Variants in EEFSEC observed in about 807,000 individuals in gnomAD.
The protein encoded by EEFSEC is eukaryotic elongation factor, selenocysteine-tRNA specific.
EEFSEC carries 43 observed loss-of-function variants against 42.1 expected under a neutral mutation model. The ratio of observed to expected loss-of-function variants is 1.02; its 90% CI spans 0.80 to 1.32. The LOEUF (loss-of-function observed/expected upper bound fraction) is 1.32, where lower values mean the gene tolerates loss of function less well. Among genes scored for constraint, EEFSEC ranks in the 40% most tolerant of loss-of-function variants. The pLI, the probability that EEFSEC is intolerant of heterozygous loss-of-function variation, is 0.00. For synonymous variants in EEFSEC, 354 were observed against 339.1 expected (o/e 1.04, Z -0.48); for missense variants, 745 against 803.6 (o/e 0.93, Z 0.88).
rs541417598 is a variant in EEFSEC at position 128,250,974 on chromosome 3, G to A, written c.524+3931G>A. On this transcript the variant is annotated intron_variant, in intron 2 of 6. Coordinates refer to ENST00000254730, the MANE Select transcript of EEFSEC (RefSeq NM_021937.5). Reference sequence around the variant, plus strand: ...TAGCGTACAAGGCTTTTGTCTCTTCGATTTATTCCTAAGTATTGGATTCTT... The same window carrying A: ...TAGCGTACAAGGCTTTTGTCTCTTCAATTTATTCCTAAGTATTGGATTCTT... Among the ~76,000 whole-genome samples the A allele has an allele frequency of 1.9e-4, 19 of 97,696 alleles. No homozygotes were observed. In the South Asian group the frequency reaches 2.1e-3, roughly 11 times the overall value. 64.1% of individuals were successfully genotyped at this position (97,696 alleles called of 152,430 possible).
chr3:128,395,832 T>C (rs1576701011), intron 6 of EEFSEC, among the ~76,000 whole-genome samples: 1 of 152,204 alleles, frequency 6.6e-6, no homozygotes, highest in African/African-American at 2.4e-5. Flanking sequence ...AGAATGGCAG[T>C]GGCCTCTCTT....
At chr3:128,242,887 C>T (rs1470217661) in intron 1 of EEFSEC, among the ~76,000 whole-genome samples, 2 of 152,148 alleles carry the variant, frequency 1.3e-5, no homozygotes, top group Non-Finnish European at 2.9e-5. Context: ...CCCACTCACT[C>T]GCTATGTCCC....
At chr3:128,162,712 G>T (rs890457003) in intron 1 of EEFSEC, among the ~76,000 whole-genome samples, 2 of 152,092 alleles carry the variant, frequency 1.3e-5, no homozygotes, top group Admixed American at 1.3e-4. Flanking sequence ...CTTCTCATGG[G>T]GCTTGCCCTT....
At chr3:128,375,533 C>T (rs1050979653) in intron 6 of EEFSEC, among the ~76,000 whole-genome samples, 7 of 152,146 alleles carry the variant, frequency 4.6e-5, no homozygotes, top group Non-Finnish European at 7.4e-5. Context: ...CCCTCTGGAC[C>T]GCAGGCCACC....
At chr3:128,297,786 A>G (rs879716087) in intron 4 of EEFSEC, among the ~76,000 whole-genome samples, 2 of 152,114 alleles carry the variant, frequency 1.3e-5, no homozygotes, top group African/African-American at 2.4e-5. Context: ...AAAATTAGGC[A>G]CTTTTTTGCC....
At chr3:128,332,483 G>A (rs566094221) in intron 4 of EEFSEC, among the ~76,000 whole-genome samples, 6 of 152,170 alleles carry the variant, frequency 3.9e-5, no homozygotes, top group South Asian at 2.1e-4. Context: ...ACGGAGTCTC[G>A]CTCTGTCACC....
At chr3:128,253,539 AGAG>A (rs1367064365) in intron 2 of EEFSEC, among the ~76,000 whole-genome samples, 1 of 152,184 alleles carries the variant, frequency 6.6e-6, no homozygotes, top group Non-Finnish European at 1.5e-5. Context: ...AGCAGGTCGC[AGAG>A]AAGTCTGAGT....
chr3:128,220,059 C>T (rs2065847257), intron 1 of EEFSEC, among the ~76,000 whole-genome samples: 1 of 152,164 alleles, frequency 6.6e-6, no homozygotes, highest in Non-Finnish European at 1.5e-5. Context: ...GACCACAACT[C>T]CATGTGGTAG....
intron 4 of EEFSEC, among the ~76,000 whole-genome samples, chr3:128,287,257 A>G (rs1396357606): frequency 6.6e-6 from 1 of 152,020 alleles, no homozygotes; most frequent in Non-Finnish European, 1.5e-5. Flanking sequence ...TGAGGTGGAG[A>G]TGAGCTCAGA....
intron 1 of EEFSEC, among the ~76,000 whole-genome samples, chr3:128,214,032 A>G (rs2065785691): frequency 6.6e-6 from 1 of 152,196 alleles, no homozygotes; most frequent in Non-Finnish European, 1.5e-5. Flanking sequence ...AATTGGGAGA[A>G]ATTTGAATAT....
At position 128,196,702 on chromosome 3, in the gene EEFSEC, T is replaced by C. The variant is rs116076256; in HGVS notation, c.316+42879T>C. Among the ~76,000 whole-genome samples the C allele has an allele frequency of 4.0e-3, 606 of 152,326 alleles. 1 individual carries two copies. Among genetic ancestry groups the C allele is most frequent in the Non-Finnish European group, 6.8e-3 (461 of 68,022 alleles). On this transcript the variant is annotated intron_variant, in intron 1 of 6. Transcript: ENST00000254730. ...AGTGTTTGGTTGTGTGGAAAGCATA[T>C]AAGCTCTGACTTGAAGAAATGTGAC...
rs1427050348 is a variant in EEFSEC at position 128,358,375 on chromosome 3, T to C, written c.1600+2T>C. Reference sequence around the variant, plus strand: ...GCAAGTTCAAGATCCACATCCCAGGTAAGTGCAGCCACTTCCTCCCGGTTT... The same window carrying C: ...GCAAGTTCAAGATCCACATCCCAGGCAAGTGCAGCCACTTCCTCCCGGTTT... On this transcript the variant is annotated splice_donor_variant, in intron 6 of 6. Transcript: ENST00000254730. LOFTEE classifies it high-confidence loss of function. 1 of 1,614,110 alleles carries C rather than the reference T, an allele frequency of 6.2e-7. No individual in the cohort carries two copies.
chr3:128,208,065 G>A (rs547973003), intron 1 of EEFSEC, among the ~76,000 whole-genome samples: 8 of 152,154 alleles, frequency 5.3e-5, no homozygotes, highest in Middle Eastern at 3.4e-3. Flanking sequence ...TTTCTGTCCC[G>A]GGAGTCTGGA....
intron 2 of EEFSEC, among the ~76,000 whole-genome samples, chr3:128,248,622 C>T (rs1053117593): frequency 6.6e-6 from 1 of 152,146 alleles, no homozygotes; most frequent in African/African-American, 2.4e-5. Flanking sequence ...GTTATTTGAT[C>T]TCCCTGTCGT....
chr3:128,336,080 T>C (rs1268681626), intron 4 of EEFSEC, among the ~76,000 whole-genome samples: 2 of 152,150 alleles, frequency 1.3e-5, no homozygotes, highest in Admixed American at 1.3e-4. Flanking sequence ...CAGACGTCTG[T>C]GTCTCTCTGG....
chr3:128,392,076 AG>A (rs771911194), intron 6 of EEFSEC, among the ~76,000 whole-genome samples: 2 of 152,188 alleles, frequency 1.3e-5, no homozygotes, highest in African/African-American at 2.4e-5. Context: ...TGGCCAGCTG[AG>A]GGCAGAGCTA....
At chr3:128,413,085 A>G (rs531204977), downstream of EEFSEC, among the ~76,000 whole-genome samples, 1 of 152,250 alleles carries the variant, frequency 6.6e-6, no homozygotes, top group Admixed American at 6.5e-5. Flanking sequence ...CCCACCCCCA[A>G]CACAAACAGG....
intron 6 of EEFSEC, among the ~76,000 whole-genome samples, chr3:128,389,675 C>T (rs981758072): frequency 6.6e-6 from 1 of 152,246 alleles, no homozygotes; most frequent in African/African-American, 2.4e-5. Flanking sequence ...TTTCACTGGA[C>T]GTGGTTGTTT....
chr3:128,425,337 A>G, the EEFSEC span, among the ~76,000 whole-genome samples: 1 of 152,220 alleles, frequency 6.6e-6, no homozygotes, highest in Non-Finnish European at 1.5e-5. Flanking sequence ...TGCACGTCCC[A>G]GCAGCTCCTT....
Sources: gnomAD v4.1 joint callset for allele counts (sites outside exome capture counted in the v4.1 genomes callset) on GRCh38, gnomAD v4.1.1 for gene constraint, MANE v1.5 for transcripts, NCBI Gene and HGNC (gene_info 2026-07-23, HGNC 2026-07-21) for gene names.